The following SLC8A1 variants were observed in gnomAD, a reference collection of about 807,000 sequenced individuals.
The protein encoded by SLC8A1 is solute carrier family 8 member A1, also known as sodium/calcium exchanger 1.
A neutral mutation model predicts 68.3 loss-of-function variants in SLC8A1; 18 were observed. The ratio of observed to expected loss-of-function variants is 0.26; its 90% CI spans 0.18 to 0.39. The LOEUF (loss-of-function observed/expected upper bound fraction) is 0.39, where lower values mean the gene tolerates loss of function less well. Ranked by LOEUF, SLC8A1 falls within the 10% of genes least tolerant of loss-of-function variation. The probability of loss-of-function intolerance (pLI) is 1.00; values close to 1 mark genes in which losing one functional copy is unlikely to be tolerated. For synonymous variants in SLC8A1, 475 were observed against 415.5 expected (o/e 1.14, Z -1.74); for missense variants, 985 against 1,156.7 (o/e 0.85, Z 2.15).
intron 2 of SLC8A1, among the ~76,000 whole-genome samples, chr2:40,265,455 T>G (rs1172264274): frequency 1.3e-5 from 2 of 152,124 alleles, no homozygotes; most frequent in Non-Finnish European, 2.9e-5. Context: ...TAAAAAAAAT[T>G]AAAAATTCTC....
exon 2 of SLC8A1, chr2:40,430,212 C>T: frequency 6.2e-7 from 1 of 1,613,646 alleles, no homozygotes; most frequent in African/African-American, 1.3e-5. Context: ...ATAAGAGACT[C>T]ACAGTAACTA....
chr2:40,226,067 T>C (rs1021367378), intron 2 of SLC8A1, among the ~76,000 whole-genome samples: 1 of 152,156 alleles, frequency 6.6e-6, no homozygotes. Context: ...GCAATTAGTC[T>C]GGATAACTTA....
chr2:40,113,053 C>T (rs908836504), exon 8 of SLC8A1: 17 of 152,262 alleles, frequency 1.1e-4, no homozygotes, highest in Admixed American at 9.8e-4. Context: ...AAATAGTAAT[C>T]ACATAAACTG....
intron 2 of SLC8A1, among the ~76,000 whole-genome samples, chr2:40,427,619 T>A (rs773897803): frequency 5.3e-5 from 8 of 152,050 alleles, no homozygotes; most frequent in Non-Finnish European, 1.0e-4. Context: ...CCTCTAAATA[T>A]CAACTCTCAG....
chr2:40,359,375 T>C (rs1673818784), intron 2 of SLC8A1, among the ~76,000 whole-genome samples: 1 of 152,178 alleles, frequency 6.6e-6, no homozygotes, highest in Non-Finnish European at 1.5e-5. Context: ...ACATGACTCA[T>C]ATTTTTCTTG....
exon 8 of SLC8A1, chr2:40,101,638 A>T (rs2033898939): frequency 6.6e-6 from 1 of 152,130 alleles, no homozygotes. Flanking sequence ...TATCTCCCAT[A>T]TATCTGAATG....
intron 2 of SLC8A1, among the ~76,000 whole-genome samples, chr2:40,267,133 G>A (rs1314556030): frequency 6.6e-6 from 1 of 152,156 alleles, no homozygotes; most frequent in African/African-American, 2.4e-5. Context: ...CACAATAATG[G>A]TGAGGCAATT....
At position 40,173,736 on chromosome 2, in the gene SLC8A1, A is replaced by G. The variant is rs540693026; in HGVS notation, c.1930+1089T>C. ...GATTTCAAAATTTTGATATCTGCACAATATATTGGAAAATTTTGATATTGG... is the reference window on the plus strand; with the variant it reads ...GATTTCAAAATTTTGATATCTGCACGATATATTGGAAAATTTTGATATTGG... On this transcript the variant is annotated intron_variant, in intron 4 of 7. Transcript: ENST00000406785. Among the ~76,000 whole-genome samples the G allele has an allele frequency of 6.8e-5, 10 of 147,360 alleles. No individual in the cohort carries two copies. The East Asian group carries it at 1.9e-3, about 28-fold the overall frequency.
chr2:40,294,287 T>G (rs1170383015), intron 2 of SLC8A1, among the ~76,000 whole-genome samples: 1 of 152,136 alleles, frequency 6.6e-6, no homozygotes, highest in African/African-American at 2.4e-5. Context: ...ATATTGATTA[T>G]TTGCTATCTG....
At chr2:40,178,590 C>G (rs2148566092) in intron 2 of SLC8A1, 97 bp from the exon 3 acceptor site, 1 of 967,970 alleles carries the variant, frequency 1.0e-6, no homozygotes, top group Non-Finnish European at 1.6e-6. Context: ...GCTGCACTTT[C>G]AGACAAACAG....
chr2:40,164,270 G>T (rs944680628), intron 5 of SLC8A1, among the ~76,000 whole-genome samples: 3 of 152,218 alleles, frequency 2.0e-5, no homozygotes, highest in African/African-American at 7.2e-5. Context: ...TTATCATCTA[G>T]AGAACTGAGA....
intron 2 of SLC8A1, among the ~76,000 whole-genome samples, chr2:40,215,554 G>A (rs368059416): frequency 2.7e-5 from 4 of 150,298 alleles, no homozygotes; most frequent in South Asian, 2.1e-4. Flanking sequence ...GGAGAATGGC[G>A]TGAACCCGGG....
intron 1 of SLC8A1, among the ~76,000 whole-genome samples, chr2:40,441,303 G>A (rs1559699204): frequency 6.6e-6 from 1 of 150,962 alleles, no homozygotes; most frequent in Non-Finnish European, 1.5e-5. Context: ...AACATTCCAT[G>A]TTCATGGATA....
chr2:40,343,524 C>T (rs915028209), intron 2 of SLC8A1, among the ~76,000 whole-genome samples: 2 of 152,188 alleles, frequency 1.3e-5, no homozygotes, highest in Non-Finnish European at 2.9e-5. Flanking sequence ...AAAGTGCCAA[C>T]CTATTGAGAT....
intron 6 of SLC8A1, among the ~76,000 whole-genome samples, chr2:40,143,337 G>A (rs569068364): frequency 6.6e-6 from 1 of 152,086 alleles, no homozygotes; most frequent in African/African-American, 2.4e-5. Flanking sequence ...CATCTTTTAT[G>A]TGACAGCAAA....
At chr2:40,147,216 T>C (rs2042635524) in intron 6 of SLC8A1, among the ~76,000 whole-genome samples, 1 of 146,886 alleles carries the variant, frequency 6.8e-6, no homozygotes, top group African/African-American at 2.6e-5. Context: ...TTGATGGCTT[T>C]AGTGTCTCTT....
chr2:40,131,019 T>C (rs968828022), intron 7 of SLC8A1, among the ~76,000 whole-genome samples: 11 of 152,250 alleles, frequency 7.2e-5, no homozygotes, highest in African/African-American at 2.4e-4. Flanking sequence ...TATCAGTGCA[T>C]TGAAATAGAA....
At chr2:40,252,389 G>A (rs1255088173) in intron 2 of SLC8A1, among the ~76,000 whole-genome samples, 10 of 152,088 alleles carry the variant, frequency 6.6e-5, no homozygotes, top group African/African-American at 2.4e-4. Flanking sequence ...CTGGAGTGCA[G>A]TGGCATGATC....
chr2:40,124,018 T>G (rs932855054), intron 7 of SLC8A1, among the ~76,000 whole-genome samples: 1 of 152,202 alleles, frequency 6.6e-6, no homozygotes, highest in Non-Finnish European at 1.5e-5. Flanking sequence ...TTTGTTCTAT[T>G]TCTGGAACAT....
Sources: gnomAD v4.1 joint callset for allele counts (sites outside exome capture counted in the v4.1 genomes callset) on GRCh38, gnomAD v4.1.1 for gene constraint, MANE v1.5 for transcripts, NCBI Gene and HGNC (gene_info 2026-07-23, HGNC 2026-07-21) for gene names.